COLEC12: variants seen among roughly 807,000 people sequenced by gnomAD.
COLEC12 encodes collectin-12.
A neutral mutation model predicts 71.1 loss-of-function variants in COLEC12; 33 were observed. The observed-to-expected ratio is 0.46, with a 90% CI of 0.35 to 0.62. COLEC12 has a LOEUF of 0.62. Among genes scored for constraint, COLEC12 ranks in the 20% least tolerant of loss-of-function variants. COLEC12 has a pLI of 0.00. For missense variants in COLEC12, 765 were observed against 916.1 expected (o/e 0.84, Z 2.13); for synonymous variants, 350 against 353.0 (o/e 0.99, Z 0.10).
At chr18:323,313 G>C (rs1235210160) in intron 8 of COLEC12, among the ~76,000 whole-genome samples, 1 of 152,186 alleles carries the variant, frequency 6.6e-6, no homozygotes. Context: ...ATCGATTGGT[G>C]AGAGTAAAAA....
At chr18:413,175 A>T (rs1915924692) in intron 2 of COLEC12, among the ~76,000 whole-genome samples, 1 of 152,226 alleles carries the variant, frequency 6.6e-6, no homozygotes, top group Non-Finnish European at 1.5e-5. Flanking sequence ...ATCTCATTTG[A>T]ATATGGGCAG....
intron 2 of COLEC12, among the ~76,000 whole-genome samples, chr18:378,210 A>G (rs1249664913): frequency 6.6e-6 from 1 of 151,992 alleles, no homozygotes; most frequent in Non-Finnish European, 1.5e-5. Flanking sequence ...CAGCCAACAC[A>G]TTTCCCAGTG....
rs73373552 is a variant in COLEC12 at position 352,341 on chromosome 18, C to T, written c.182-4178G>A. ...ACCACATGCAGGATCTCAAGTCCTG[C>T]CCTTCTTTCCTGGAAGCCAAAGAAA... On this transcript the variant is annotated intron_variant, in intron 3 of 9. Transcript: ENST00000400256. Among the ~76,000 whole-genome samples, 822 of 152,240 alleles carry T rather than the reference C, an allele frequency of 5.4e-3. 11 individuals carry two copies. The highest frequency in any genetic ancestry group is 0.019 in the African/African-American group (784 of 41,546).
chr18:317,737 C>T lies in COLEC12; in HGVS notation c.*2308G>A, dbSNP rs1913578800. 1 of 152,208 alleles carries T rather than the reference C, an allele frequency of 6.6e-6. No individual in the cohort carries two copies. Among genetic ancestry groups the T allele is most frequent in the South Asian group, 2.1e-4 (1 of 4,832 alleles). 9.4% of individuals were successfully genotyped at this position (152,208 alleles called of 1,614,324 possible). ...GCATGAAAAAGAGGACTCAGTGTAG[C>T]CTCTAAAGGCTGTTGAGCCTGAAGA... is the stretch of plus-strand genomic sequence containing the variant. On this transcript the variant is annotated 3_prime_UTR_variant, in exon 10 of 10. Transcript: ENST00000400256.
chr18:392,102 C>G (rs1275174555), intron 2 of COLEC12, among the ~76,000 whole-genome samples: 2 of 152,194 alleles, frequency 1.3e-5, no homozygotes, highest in Non-Finnish European at 2.9e-5. Flanking sequence ...GTGCCTGTCT[C>G]TCCGTGAACA....
At chr18:366,721 C>T (rs558267244) in intron 2 of COLEC12, among the ~76,000 whole-genome samples, 1 of 152,346 alleles carries the variant, frequency 6.6e-6, no homozygotes, top group East Asian at 1.9e-4. Flanking sequence ...GGAGCAATCT[C>T]CCTGCCCCCA....
At chr18:356,652 C>G (rs1420987367) in intron 3 of COLEC12, among the ~76,000 whole-genome samples, 3 of 152,200 alleles carry the variant, frequency 2.0e-5, no homozygotes, top group Non-Finnish European at 4.4e-5. Context: ...CCTCACGTGT[C>G]TTTTAAAGAA....
At chr18:463,777 C>T (rs1917032255) in intron 2 of COLEC12, among the ~76,000 whole-genome samples, 1 of 152,178 alleles carries the variant, frequency 6.6e-6, no homozygotes, top group African/African-American at 2.4e-5. Context: ...CAGCCACAGC[C>T]CTCTTCCCCT....
chr18:392,235 T>C (rs1915477399), intron 2 of COLEC12, among the ~76,000 whole-genome samples: 1 of 152,214 alleles, frequency 6.6e-6, no homozygotes, highest in African/African-American at 2.4e-5. Context: ...GCTTGGTACC[T>C]GCTGGGCATG....
chr18:337,090 C>T (rs1340665518), intron 5 of COLEC12, among the ~76,000 whole-genome samples: 3 of 151,758 alleles, frequency 2.0e-5, no homozygotes, highest in Non-Finnish European at 4.4e-5. Flanking sequence ...AGGCTGACCT[C>T]GAATTCCTGG....
At chr18:390,544 C>T (rs189240867) in intron 2 of COLEC12, among the ~76,000 whole-genome samples, 5 of 152,238 alleles carry the variant, frequency 3.3e-5, no homozygotes, top group Admixed American at 3.3e-4. Context: ...GCAGATCACC[C>T]GAGGTCGGGA....
chr18:368,735 G>A lies in COLEC12; in HGVS notation c.59-11213C>T, dbSNP rs191126661. On this transcript the variant is annotated intron_variant, in intron 2 of 9. Transcript: ENST00000400256. The stretch of plus-strand genomic sequence containing the variant: ...AAAAAAATTAGCCGGGCGTGGTGGC[G>A]GGCGCCTGTAGTCCCAGCTACTTCT... 1.7e-3 allele frequency among the ~76,000 whole-genome samples: 257 copies of A among 150,914 alleles called. 2 individuals are homozygous for A. Among genetic ancestry groups the A allele is most frequent in the African/African-American group, 5.5e-3 (227 of 41,012 alleles).
At position 327,472 on chromosome 18, in the gene COLEC12, C is replaced by T. The variant is rs540806795; in HGVS notation, c.2063+4196G>A. ...CCCCTCAGCTGGTCCTGTCCTGCTG[C>T]GGTGCAGAAAGAGCCATAAGATTCA... On this transcript the variant is annotated intron_variant, in intron 8 of 9. Transcript: ENST00000400256. The surrounding 1 kb of genome is among the most constrained non-coding windows in gnomAD (Gnocchi z 4.0). Among the ~76,000 whole-genome samples the T allele has an allele frequency of 8.5e-5, 13 of 152,232 alleles. No individual in the cohort carries two copies. In the South Asian group the frequency reaches 1.0e-3, roughly 12 times the overall value.
chr18:488,745 C>T (rs1262396119), intron 1 of COLEC12, among the ~76,000 whole-genome samples: 2 of 150,802 alleles, frequency 1.3e-5, no homozygotes, highest in East Asian at 2.0e-4. Context: ...TGCTGGTGTG[C>T]ACCTGTAATA....
At chr18:409,810 G>C (rs772754962) in intron 2 of COLEC12, among the ~76,000 whole-genome samples, 56 of 152,198 alleles carry the variant, frequency 3.7e-4, no homozygotes, top group Non-Finnish European at 7.9e-4. Flanking sequence ...ATATGAGCAT[G>C]TTTCACCTAC....
At chr18:391,816 A>ATTGCT (rs1915469595) in intron 2 of COLEC12, among the ~76,000 whole-genome samples, 1 of 152,374 alleles carries the variant, frequency 6.6e-6, no homozygotes, top group South Asian at 2.1e-4. Flanking sequence ...GGCAATCTTT[A>ATTGCT]AAACCTAGAG....
intron 2 of COLEC12, among the ~76,000 whole-genome samples, chr18:380,350 C>G (rs1598345231): frequency 6.6e-6 from 1 of 152,246 alleles, no homozygotes; most frequent in Admixed American, 6.5e-5. Flanking sequence ...TTGTACTCTT[C>G]CTCTATAACC....
intron 2 of COLEC12, among the ~76,000 whole-genome samples, chr18:386,269 T>C (rs1915343743): frequency 1.3e-5 from 2 of 152,208 alleles, no homozygotes; most frequent in Non-Finnish European, 1.5e-5. Flanking sequence ...GAGCACCAAC[T>C]GTACAAGTCA....
chr18:361,639 C>A (rs1598338603), intron 2 of COLEC12, among the ~76,000 whole-genome samples: 2 of 152,298 alleles, frequency 1.3e-5, no homozygotes, highest in Non-Finnish European at 2.9e-5. Flanking sequence ...AAAAAAGACT[C>A]TTTACATCCA....
Sources: allele counts gnomAD v4.1 joint callset (sites outside exome capture counted in the v4.1 genomes callset), GRCh38; gene constraint gnomAD v4.1.1; non-coding constraint Gnocchi (gnomAD v3.1); transcripts MANE v1.5; gene names NCBI Gene and HGNC (gene_info 2026-07-23, HGNC 2026-07-21).